PWP1: variants seen among roughly 807,000 people sequenced by gnomAD.
PWP1 encodes the protein PWP1 homolog, endonuclein.
A neutral mutation model predicts 69.9 loss-of-function variants in PWP1; 47 were observed. That is an observed-to-expected ratio of 0.67 (90% confidence interval 0.53 to 0.86). PWP1 has a LOEUF of 0.86. Among genes scored for constraint, PWP1 ranks in the 40% least tolerant of loss-of-function variants. PWP1 has a pLI of 0.00. For synonymous variants in PWP1, 222 were observed against 208.2 expected (o/e 1.07, Z -0.57); for missense variants, 551 against 608.8 (o/e 0.91, Z 1.00).
intron 8 of PWP1, among the ~76,000 whole-genome samples, chr12:107,699,944 G>A (rs190321392): frequency 2.6e-5 from 4 of 152,260 alleles, no homozygotes; most frequent in Admixed American, 1.3e-4. Context: ...TGGCTGGGGA[G>A]GCCTCACAGT....
chr12:107,709,948 T>C (rs1439100732), intron 13 of PWP1, among the ~76,000 whole-genome samples: 1 of 152,150 alleles, frequency 6.6e-6, no homozygotes, highest in African/African-American at 2.4e-5. Flanking sequence ...CCCTGAGAGA[T>C]TTTCATATAT....
chr12:107,710,552 TAAAAAAAAAAA>T (rs35371581), intron 14 of PWP1, 42 bp downstream of exon 14: 17 of 1,158,120 alleles, frequency 1.5e-5, no homozygotes, highest in East Asian at 1.4e-4. Flanking sequence ...CCTGCCCCTG[TAAAAAAAAAAA>T]AAAAAAAAAA....
chr12:107,703,113 T>C (rs3741786), intron 9 of PWP1, 82 bp downstream of exon 9: 56,274 of 992,582 alleles, frequency 0.057, 2,012 homozygotes, highest in African/African-American at 0.1. Context: ...CGTTTATATA[T>C]GGCTTTGAAA....
intron 13 of PWP1, among the ~76,000 whole-genome samples, chr12:107,709,480 G>GT (rs1889899129): frequency 6.6e-6 from 1 of 151,090 alleles, no homozygotes; most frequent in Admixed American, 6.6e-5. Context: ...GCTGGGGAGA[G>GT]GGTTTTCTAG....
intron 6 of PWP1, 35 bp downstream of exon 6, chr12:107,696,619 C>T: frequency 2.5e-6 from 4 of 1,611,920 alleles, no homozygotes; most frequent in East Asian, 2.2e-5. Context: ...CAATGATTTC[C>T]AGTCTTATGT....
At chr12:107,687,266 T>TA (rs1323958185) in intron 1 of PWP1, among the ~76,000 whole-genome samples, 1 of 152,216 alleles carries the variant, frequency 6.6e-6, no homozygotes, top group East Asian at 1.9e-4. Flanking sequence ...CACTCGGTGT[T>TA]ACATTTATAG....
Position 107,688,747 on chromosome 12 carries a change from T to C in PWP1, c.264T>C (p.Asp88=). ...DGDPEDDRTL[D]DDELAEYDLD... ...ACCCAGAGGATGACAGGACGCTTGA[T>C]GATGATGAGCTGGCTGAGTACGACT... Residue 88 remains aspartate, a synonymous_variant, in exon 3 of 15, where the codon GAT becomes GAC. Transcript: ENST00000412830. The C allele has an allele frequency of 1.2e-6, 2 of 1,614,162 alleles. No individual in the cohort carries two copies. The highest frequency in any genetic ancestry group is 8.5e-7 in the Non-Finnish European group (1 of 1,180,032).
chr12:107,690,070 T>G (rs1017061034), intron 3 of PWP1, among the ~76,000 whole-genome samples: 2 of 152,208 alleles, frequency 1.3e-5, no homozygotes, highest in Non-Finnish European at 2.9e-5. Flanking sequence ...ATTTGGGAGC[T>G]GAAGGGACTC....
intron 3 of PWP1, among the ~76,000 whole-genome samples, chr12:107,692,057 C>T (rs1284453264): frequency 6.6e-6 from 1 of 152,152 alleles, no homozygotes; most frequent in Non-Finnish European, 1.5e-5. Context: ...GACAGAGTGC[C>T]ATAGAAATAC....
chr12:107,689,543 C>T (rs1019927038), intron 3 of PWP1, among the ~76,000 whole-genome samples: 5 of 152,098 alleles, frequency 3.3e-5, no homozygotes, highest in Admixed American at 6.5e-5. Context: ...GTCAGGAGTT[C>T]GAGACCAGCC....
chr12:107,701,303 T>A (rs1262722825), intron 8 of PWP1, among the ~76,000 whole-genome samples: 1 of 152,064 alleles, frequency 6.6e-6, no homozygotes, highest in South Asian at 2.1e-4. Context: ...TCCCTTTGCC[T>A]GTTTTTTGTG....
intron 13 of PWP1, 48 bp downstream of exon 13, chr12:107,709,280 C>T (rs925974791): frequency 6.3e-7 from 1 of 1,581,706 alleles, no homozygotes; most frequent in South Asian, 1.1e-5. Flanking sequence ...TGTTTCTGAC[C>T]TTGTCTTTTT....
chr12:107,685,844 T>C lies in PWP1; in HGVS notation c.-56T>C. The C allele has an allele frequency of 6.3e-7, 1 of 1,588,362 alleles. No homozygotes were observed. The highest frequency in any genetic ancestry group is 2.2e-5 in the East Asian group (1 of 44,618). On this transcript the variant is annotated 5_prime_UTR_variant, in exon 1 of 15. Transcript: ENST00000412830. ...TGAGCGTGTGGCAGCAGTGCGGTCG[T>C]GGTCCCTCCCTATGCAGCCTGGTTT...
intron 11 of PWP1, among the ~76,000 whole-genome samples, chr12:107,705,264 G>A (rs4964611): frequency 0.29 from 44,241 of 151,736 alleles, 8,178 homozygotes; most frequent in Middle Eastern, 0.43. Flanking sequence ...TGACATTTCA[G>A]TACATGTAAA....
In PWP1 at chr12:107,710,650, A is replaced by ATAGCTGGGATT; in HGVS notation, c.1396+141_1396+151dup. On this transcript the variant is annotated intron_variant, in intron 14 of 14. Coordinates refer to ENST00000412830, the MANE Select transcript of PWP1 (RefSeq NM_007062.3). ...CAATCCTTGGTCCTCAGCCTTCTGT[A>ATAGCTGGGATT]TAGCTGGGATTACAGGTGTGAGCCA... The ATAGCTGGGATT allele has an allele frequency of 1.6e-5, 22 of 1,346,584 alleles. No individual in the cohort carries two copies. In the South Asian group the frequency reaches 3.3e-4, roughly 20 times the overall value. 83.4% of individuals were successfully genotyped at this position (1,346,584 alleles called of 1,614,324 possible).
In PWP1 at chr12:107,710,552, T is replaced by TAAAAA. The variant is rs35371581; in HGVS notation, c.1396+59_1396+63dup. 1,528 of 1,155,578 alleles carry TAAAAA rather than the reference T, an allele frequency of 1.3e-3. 3 individuals are homozygous for TAAAAA. Among genetic ancestry groups the TAAAAA allele is most frequent in the South Asian group, 3.6e-3 (199 of 55,750 alleles). The allele number at this position is 1,155,578 out of a possible 1,614,324, so 71.6% of individuals were successfully genotyped here. A position where few individuals can be genotyped will look rare whatever the true frequency, so the allele number is the denominator to read the frequency against. ...CTCTGCACACCTCCCCCTGCCCCTG[T>TAAAAA]AAAAAAAAAAAAAAAAAAAAAGACA... On this transcript the variant is annotated intron_variant, in intron 14 of 14. Transcript: ENST00000412830.
rs150794362 is a variant in PWP1, at chr12:107,691,601, A to G, written c.320-1213A>G. Among the ~76,000 whole-genome samples, 681 of 152,266 alleles carry G rather than the reference A, an allele frequency of 4.5e-3. 7 individuals carry two copies. The highest frequency in any genetic ancestry group is 0.015 in the African/African-American group (620 of 41,552). On this transcript the variant is annotated intron_variant, in intron 3 of 14. Coordinates refer to ENST00000412830, the MANE Select transcript of PWP1 (RefSeq NM_007062.3). ...GGAGGACATGGAAGAAAGGGATTGC[A>G]GAGGTAGCTGGGAGTTTAGCATCAT... is the stretch of plus-strand genomic sequence containing the variant.
chr12:107,710,425 A>C lies in PWP1; in HGVS notation c.1311A>C (p.Ser437=), dbSNP rs775256548. Residue 437 remains serine, a synonymous_variant, in exon 14 of 15, where the codon TCA becomes TCC. Transcript: ENST00000412830. ...DMKMGVLFCS[S]CCPDLPFIYA... ...TCTAGGGAGTTCTCTTCTGTTCTTC[A>C]TGTTGCCCTGATTTGCCATTTATTT... The C allele has an allele frequency of 1.4e-5, 23 of 1,613,458 alleles. No homozygotes were observed. The highest frequency in any genetic ancestry group is 1.9e-5 in the Non-Finnish European group (23 of 1,179,704).
chr12:107,699,639 C>T (rs1216707254), intron 8 of PWP1, among the ~76,000 whole-genome samples: 1 of 152,084 alleles, frequency 6.6e-6, no homozygotes, highest in African/African-American at 2.4e-5. Context: ...TGTGGGTGCT[C>T]ATTGCATGTT....
Sources: gnomAD v4.1 joint callset for allele counts (sites outside exome capture counted in the v4.1 genomes callset) on GRCh38, gnomAD v4.1.1 for gene constraint, MANE v1.5 for transcripts, NCBI Gene and HGNC (gene_info 2026-07-23, HGNC 2026-07-21) for gene names.